Variants in ZNF114 observed in about 807,000 individuals in gnomAD.
ZNF114 encodes the protein zinc finger protein 114 (Y18).
ZNF114 carries 8 observed loss-of-function variants against 6.8 expected under a neutral mutation model. That is an observed-to-expected ratio of 1.18 (90% CI 0.69 to 2.13). ZNF114 has a LOEUF of 2.13. Ranked by LOEUF, ZNF114 falls within the 30% of genes most tolerant of loss-of-function variation. The pLI is 0.00. For synonymous variants in ZNF114, 169 were observed against 185.5 expected (o/e 0.91, Z 0.72); for missense variants, 472 against 519.5 (o/e 0.91, Z 0.89).
At position 48,280,794 on chromosome 19, in the gene ZNF114, C is replaced by G. The variant is rs147942398; in HGVS notation, c.9+986C>G. ...TCTCGAACTCCTGACCTTAGGTGAT[C>G]CGCCCACCTCGGCCTCCCAAAGTGC... On this transcript the variant is annotated intron_variant, in intron 4 of 5. Coordinates refer to ENST00000595607, the MANE Select transcript of ZNF114 (RefSeq NM_153608.4). Among the ~76,000 whole-genome samples the G allele has an allele frequency of 5.3e-5, 8 of 151,948 alleles. No individual in the cohort carries two copies. In the East Asian group the frequency reaches 1.6e-3, roughly 29 times the overall value.
chr19:48,273,426 C>T (rs1167743781), intron 3 of ZNF114, among the ~76,000 whole-genome samples: 4 of 78,858 alleles, frequency 5.1e-5, no homozygotes, highest in Non-Finnish European at 8.4e-5. Context: ...CTTTTCTTTT[C>T]TGTTTTTTTT....
intron 3 of ZNF114, among the ~76,000 whole-genome samples, chr19:48,277,998 G>A (rs1269070260): frequency 6.6e-6 from 1 of 151,790 alleles, no homozygotes; most frequent in African/African-American, 2.4e-5. Flanking sequence ...GCAGTGGTGC[G>A]ATCTCAGCTC....
chr19:48,284,368 C>G (rs1294901780), intron 5 of ZNF114, among the ~76,000 whole-genome samples: 1 of 151,924 alleles, frequency 6.6e-6, no homozygotes, highest in East Asian at 1.9e-4. Context: ...AAGTCGAGAC[C>G]AGCCCAGCCA....
intron 5 of ZNF114, among the ~76,000 whole-genome samples, chr19:48,283,948 T>G (rs1968056369): frequency 6.6e-6 from 1 of 151,992 alleles, no homozygotes; most frequent in South Asian, 2.1e-4. Context: ...TGGCCAGGCT[T>G]GTCTCAAACT....
intron 5 of ZNF114, among the ~76,000 whole-genome samples, chr19:48,284,002 G>T (rs1307666524): frequency 2.0e-5 from 3 of 152,070 alleles, no homozygotes; most frequent in Non-Finnish European, 4.4e-5. Context: ...CCAAAGTGTT[G>T]GCATTACAGG....
intron 3 of ZNF114, among the ~76,000 whole-genome samples, chr19:48,276,831 G>C (rs900206399): frequency 6.6e-6 from 1 of 152,192 alleles, no homozygotes; most frequent in African/African-American, 2.4e-5. Flanking sequence ...GCCCAAAATG[G>C]TGATTTTTAA....
Position 48,279,895 on chromosome 19 carries a change from AG to A in ZNF114, c.9+88del, listed in dbSNP as rs1439049908. 3.7e-6 allele frequency: 6 copies of A among 1,601,140 alleles called. No individual in the cohort carries two copies. In the Admixed American group the frequency reaches 1.0e-4, roughly 27 times the overall value. On this transcript the variant is annotated intron_variant, in intron 4 of 5. Coordinates refer to ENST00000595607, the MANE Select transcript of ZNF114 (RefSeq NM_153608.4). ...CTGCCTGTGGCTGGGAGTCAGGTAA[AG>A]CACATGGAGCCAGGCAGGGCCCCCC... is the stretch of plus-strand genomic sequence containing the variant.
Position 48,282,581 on chromosome 19 carries a change from T to C in ZNF114, c.136+84T>C, listed in dbSNP as rs1432883965. 4.0e-6 allele frequency: 6 copies of C among 1,487,118 alleles called. No homozygotes were observed. The Admixed American group carries it at 1.3e-4, about 33-fold the overall frequency. 92.1% of individuals were successfully genotyped at this position (1,487,118 alleles called of 1,614,324 possible). ...GTGTTCTGGGAAGTGCATTGGAAAA[T>C]GGGAACTGGGTTAAATTCCAGAGAC... On this transcript the variant is annotated intron_variant, in intron 5 of 5. Transcript: ENST00000595607.
At chr19:48,275,657 A>G (rs117114076) in intron 3 of ZNF114, among the ~76,000 whole-genome samples, 3,624 of 151,982 alleles carry the variant, frequency 0.024, 57 homozygotes, top group Middle Eastern at 0.088. Flanking sequence ...TAAAAATGAA[A>G]GATACATCGT....
At chr19:48,281,336 C>T (rs1487227534) in intron 4 of ZNF114, among the ~76,000 whole-genome samples, 1 of 151,966 alleles carries the variant, frequency 6.6e-6, no homozygotes, top group Non-Finnish European at 1.5e-5. Context: ...TTGCTTCCTT[C>T]TGGAGGCTCC....
rs141768648 is a variant in ZNF114, at chr19:48,285,136, G to A, written c.137-625G>A. ...TGCAGAATCTCTGATGTCTTTCTCTGCTTCCTTCCTCTTGCTTTCTTCCCC... is the reference window on the plus strand; with the variant it reads ...TGCAGAATCTCTGATGTCTTTCTCTACTTCCTTCCTCTTGCTTTCTTCCCC... On this transcript the variant is annotated intron_variant, in intron 5 of 5. Coordinates refer to ENST00000595607, the MANE Select transcript of ZNF114 (RefSeq NM_153608.4). Among the ~76,000 whole-genome samples the A allele has an allele frequency of 5.6e-3, 860 of 152,246 alleles. 6 individuals are homozygous for A. Among genetic ancestry groups the A allele is most frequent in the African/African-American group, 0.018 (744 of 41,536 alleles).
chr19:48,286,049 A>G lies in ZNF114; in HGVS notation c.425A>G (p.Gln142Arg), dbSNP rs1968118398. The G allele has an allele frequency of 1.2e-6, 2 of 1,614,040 alleles. No homozygotes were observed. The highest frequency in any genetic ancestry group is 1.7e-6 in the Non-Finnish European group (2 of 1,180,046). The change falls in exon 6 of 6, where the codon CAG becomes CGG. Residue 142 changes from glutamine to arginine, a missense_variant. Physicochemically the swap from Gln to Arg is conservative, Grantham distance 43 (BLOSUM62 1). Coordinates refer to ENST00000595607, the MANE Select transcript of ZNF114 (RefSeq NM_153608.4). Reference sequence around the variant, plus strand: ...CCTACCTGCAGGCTTGTGCCTTCACAGGGAGATTCCATAAGACAATGTATC... The same window carrying G: ...CCTACCTGCAGGCTTGTGCCTTCACGGGGAGATTCCATAAGACAATGTATC... ...SKPTCRLVPS[Q>R]GDSIRQCILT...
intron 4 of ZNF114, 134 bp from the exon 5 acceptor site, chr19:48,282,235 CTA>C (rs1411561895): frequency 8.2e-7 from 1 of 1,222,630 alleles, no homozygotes; most frequent in African/African-American, 1.6e-5. Context: ...TGCAAAGACT[CTA>C]GTTCACAAAT....
At chr19:48,277,798 T>TGTGG (rs917148407) in intron 3 of ZNF114, among the ~76,000 whole-genome samples, 1 of 125,982 alleles carries the variant, frequency 7.9e-6, no homozygotes, top group Non-Finnish European at 1.6e-5. Context: ...GCATTGGGTG[T>TGTGG]GTGTGTGTGT....
chr19:48,286,624 T>C lies in ZNF114; in HGVS notation c.1000T>C (p.Cys334Arg). 6.2e-7 allele frequency: 1 copy of C among 1,613,892 alleles called. No individual in the cohort carries two copies. The highest frequency in any genetic ancestry group is 1.7e-5 in the Admixed American group (1 of 59,972). The change falls in exon 6 of 6, where the codon TGT (cysteine) becomes CGT (arginine). Residue 334 changes from cysteine to arginine, a missense_variant. Cys to Arg is a radical substitution (Grantham distance 180). Coordinates refer to ENST00000595607, the MANE Select transcript of ZNF114 (RefSeq NM_153608.4). ...TCACACTGGAGAGAAACCGTATGAA[T>C]GTGGGAAATGTGGGAAAGCCTTTAG... ...KIHTGEKPYE[C>R]GKCGKAFRYS... is the part of the protein sequence containing the mutation.
chr19:48,286,573 T>C lies in ZNF114; in HGVS notation c.949T>C (p.Ser317Pro). Reference protein sequence around the residue: ...PECGRAFFYQSFLMRHMKIHT... With the variant: ...PECGRAFFYQPFLMRHMKIHT... ...ATGTGGGAGAGCCTTTTTTTATCAG[T>C]CATTCCTTATGAGACATATGAAAAT... The change falls in exon 6 of 6, where the codon TCA (serine) becomes CCA (proline). Residue 317 changes from serine (S) to proline (P), a missense_variant. Coordinates refer to ENST00000595607, the MANE Select transcript of ZNF114 (RefSeq NM_153608.4). The C allele has an allele frequency of 6.2e-7, 1 of 1,614,120 alleles. No individual in the cohort carries two copies. The highest frequency in any genetic ancestry group is 8.5e-7 in the Non-Finnish European group (1 of 1,180,024).
At chr19:48,275,817 C>T (rs997897317) in intron 3 of ZNF114, among the ~76,000 whole-genome samples, 4 of 151,594 alleles carry the variant, frequency 2.6e-5, no homozygotes, top group Non-Finnish European at 5.9e-5. Flanking sequence ...CCCGTCTCTA[C>T]TAAAAATACA....
At chr19:48,272,713 C>A (rs1215199045) in intron 3 of ZNF114, among the ~76,000 whole-genome samples, 1 of 129,782 alleles carries the variant, frequency 7.7e-6, no homozygotes, top group Admixed American at 7.6e-5. Context: ...TGGATTGGAG[C>A]CTGTTGTGAT....
chr19:48,285,910 G>A lies in ZNF114; in HGVS notation c.286G>A (p.Glu96Lys). The stretch of plus-strand genomic sequence containing the variant: ...AGAAGACTGGAGATGCCCCAAAACA[G>A]AGGAACCACACAGGCAGGGGGTGAA... ...LREDWRCPKTEEPHRQGVNNV... is the reference protein window; with the variant it reads ...LREDWRCPKTKEPHRQGVNNV... Residue 96 changes from glutamate (E) to lysine (K), a missense_variant, in exon 6 of 6, where the codon GAG (glutamate) becomes AAG (lysine). Physicochemically the swap from Glu to Lys is moderately conservative, Grantham distance 56 (BLOSUM62 1). Coordinates refer to ENST00000595607, the MANE Select transcript of ZNF114 (RefSeq NM_153608.4). The A allele has an allele frequency of 6.2e-7, 1 of 1,614,138 alleles. No homozygotes were observed. Among genetic ancestry groups the A allele is most frequent in the Non-Finnish European group, 8.5e-7 (1 of 1,180,020 alleles).
Sources: allele counts gnomAD v4.1 joint callset (sites outside exome capture counted in the v4.1 genomes callset), GRCh38; gene constraint gnomAD v4.1.1; transcripts MANE v1.5; gene names NCBI Gene and HGNC (gene_info 2026-07-23, HGNC 2026-07-21).